BRCA1: variants seen among roughly 807,000 people sequenced by gnomAD.
BRCA1 encodes the protein breast cancer type 1 susceptibility protein.
In BRCA1, 140 loss-of-function variants were observed where a neutral mutation model predicts 173.7. That is an observed-to-expected ratio of 0.81 (90% CI 0.70 to 0.93). The LOEUF is 0.93. Among genes scored for constraint, BRCA1 ranks in the 40% least tolerant of loss-of-function variants. The pLI is 0.00. For missense variants in BRCA1, 1,983 were observed against 2,172.5 expected (o/e 0.91, Z 1.73); for synonymous variants, 662 against 756.0 (o/e 0.88, Z 2.04).
intron 1 of BRCA1, among the ~76,000 whole-genome samples, chr17:43,142,799 A>C (rs1434909251): frequency 6.6e-6 from 1 of 151,984 alleles, no homozygotes; most frequent in Non-Finnish European, 1.5e-5. Flanking sequence ...GCAGGAGTGC[A>C]ATGGCGTGAT....
At chr17:43,110,955 G>T (rs1190760267) in intron 3 of BRCA1, among the ~76,000 whole-genome samples, 1 of 151,950 alleles carries the variant, frequency 6.6e-6, no homozygotes, top group Non-Finnish European at 1.5e-5. Context: ...ACAAAAATTA[G>T]CCATGCATGG....
chr17:43,078,665 G>A (rs1284196682), intron 12 of BRCA1, among the ~76,000 whole-genome samples: 1 of 152,078 alleles, frequency 6.6e-6, no homozygotes, highest in Non-Finnish European at 1.5e-5. Flanking sequence ...GGGTAGCCTG[G>A]GGGGAAATAA....
Position 43,082,432 on chromosome 17 carries a change from T to C in BRCA1, c.4329A>G (p.Arg1443=), listed in dbSNP as rs2154146970. 6.2e-7 allele frequency: 1 copy of C among 1,614,172 alleles called. No individual in the cohort carries two copies. Among genetic ancestry groups the C allele is most frequent in the Non-Finnish European group, 8.5e-7 (1 of 1,180,024 alleles). ...ISDSSALEDL[R]NPEQSTSEKA... ...TTTCTGATGTGCTTTGTTCTGGATT[T>C]CGCAGGTCCTCAAGGGCAGAAGAGT... Residue 1443 remains arginine (R), a synonymous_variant, in exon 12 of 23, where the codon CGA becomes CGG. Transcript: ENST00000357654.
At position 43,106,865 on chromosome 17, in the gene BRCA1, G is replaced by A. The variant is rs186268206; in HGVS notation, c.135-332C>T. On this transcript the variant is annotated intron_variant, in intron 3 of 22. Coordinates refer to ENST00000357654, the MANE Select transcript of BRCA1 (RefSeq NM_007294.4). The stretch of plus-strand genomic sequence containing the variant: ...TCATGCTGCATAATCAAATATAAAC[G>A]GTAAGTAGTTCATGTAAGATGCTTA... 3.3e-4 allele frequency among the ~76,000 whole-genome samples: 50 copies of A among 152,036 alleles called. 1 individual carries two copies. Among genetic ancestry groups the A allele is most frequent in the Admixed American group, 2.8e-3 (42 of 15,246 alleles).
intron 12 of BRCA1, among the ~76,000 whole-genome samples, chr17:43,080,291 T>C (rs2052943896): frequency 6.6e-6 from 1 of 152,174 alleles, no homozygotes; most frequent in Non-Finnish European, 1.5e-5. Flanking sequence ...TATTAAGAAA[T>C]AATAAACTAG....
At chr17:43,100,686 T>TA (rs1567807839) in intron 6 of BRCA1, among the ~76,000 whole-genome samples, 13 of 17,426 alleles carry the variant, frequency 7.5e-4, no homozygotes, top group African/African-American at 1.3e-3. Flanking sequence ...ATAATATATA[T>TA]ATATATATAT....
rs80358090 is a variant in BRCA1, at chr17:43,057,153, C to G, written c.5194-18G>C. On this transcript the variant is annotated intron_variant, in intron 18 of 22. Coordinates refer to ENST00000357654, the MANE Select transcript of BRCA1 (RefSeq NM_007294.4). ...AAATCATGCTGAAAGAAACCAAACACAACCCATCAGGATAAGAGAAAGAGA... is the reference window on the plus strand; with the variant it reads ...AAATCATGCTGAAAGAAACCAAACAGAACCCATCAGGATAAGAGAAAGAGA... The G allele has an allele frequency of 6.2e-7, 1 of 1,610,960 alleles. No individual in the cohort carries two copies. The highest frequency in any genetic ancestry group is 8.5e-7 in the Non-Finnish European group (1 of 1,177,272).
At chr17:43,080,878 C>T (rs1007229417) in intron 12 of BRCA1, among the ~76,000 whole-genome samples, 6 of 151,534 alleles carry the variant, frequency 4.0e-5, no homozygotes, top group Non-Finnish European at 8.8e-5. Flanking sequence ...ACAGTGCGTC[C>T]CTGTCTCTAC....
At chr17:43,047,773 T>G in intron 21 of BRCA1, 70 bp from the exon 22 acceptor site, 1 of 1,563,712 alleles carries the variant, frequency 6.4e-7, no homozygotes, top group South Asian at 1.1e-5. Flanking sequence ...ACTTCATCAT[T>G]TTTTTTGTTT....
At chr17:43,100,574 C>CATATATATAACATATATATATTAT (rs1567807050) in intron 6 of BRCA1, among the ~76,000 whole-genome samples, 30 of 56,304 alleles carry the variant, frequency 5.3e-4, no homozygotes, top group African/African-American at 1.7e-3. Flanking sequence ...ATATATATAA[C>CATATATATAACATATATATATTAT]ATATATATAA....
In BRCA1 at chr17:43,048,092, T is replaced by C. The variant is rs4793190; in HGVS notation, c.5407-389A>G. Among the ~76,000 whole-genome samples the C allele has an allele frequency of 0.31, 47,169 of 151,948 alleles. 7,696 individuals carry two copies. Among genetic ancestry groups the C allele is most frequent in the South Asian group, 0.49 (2,377 of 4,816 alleles). On this transcript the variant is annotated intron_variant, in intron 21 of 22. Transcript: ENST00000357654. ...TAATTTTTTTGTAGACATGAGGTCC[T>C]ACTGTATTGCCCAGGCTGGTCTTCA... is the stretch of plus-strand genomic sequence containing the variant.
chr17:43,077,258 A>G (rs185261284), intron 12 of BRCA1, among the ~76,000 whole-genome samples: 141 of 152,300 alleles, frequency 9.3e-4, no homozygotes, highest in African/African-American at 3.3e-3. Context: ...TAAATAATAC[A>G]TGGAACTAAT....
At position 43,091,479 on chromosome 17, in the gene BRCA1, A is replaced by G. The variant is rs397509132; in HGVS notation, c.4052T>C (p.Leu1351Ser). Residue 1351 changes from leucine (L) to serine (S), a missense_variant, in exon 10 of 23, where the codon TTG becomes TCG. By Grantham distance (145) the Leu-to-Ser change is moderately radical. Coordinates refer to ENST00000357654, the MANE Select transcript of BRCA1 (RefSeq NM_007294.4). ...VSDDEERGTG[L>S]EENNQEEQSM... is the part of the protein sequence containing the mutation. ...TTGCTCTTCTTGATTATTTTCTTCC[A>G]AGCCCGTTCCTCTTTCTTCATCATC... is the stretch of plus-strand genomic sequence containing the variant. The G allele has an allele frequency of 6.2e-7, 1 of 1,613,518 alleles. No individual in the cohort carries two copies. Among genetic ancestry groups the G allele is most frequent in the South Asian group, 1.1e-5 (1 of 91,026 alleles).
Position 43,091,889 on chromosome 17 carries a change from C to A in BRCA1, c.3642G>T (p.Glu1214Asp), listed in dbSNP as rs398122675. The A allele has an allele frequency of 6.2e-7, 1 of 1,614,130 alleles. No individual in the cohort carries two copies. Among genetic ancestry groups the A allele is most frequent in the Admixed American group, 1.7e-5 (1 of 60,028 alleles). The change falls in exon 10 of 23, where the codon GAG (glutamate) becomes GAT (aspartate). Residue 1214 changes from glutamate (E) to aspartate (D), a missense_variant. Coordinates refer to ENST00000357654, the MANE Select transcript of BRCA1 (RefSeq NM_007294.4). ...RGAKKLESSE[E>D]NLSSEDEELP... is the part of the protein sequence containing the mutation. ...GCTCTTCATCCTCACTAGATAAGTT[C>A]TCTTCTGAGGACTCTAATTTCTTGG...
At chr17:43,054,487 TGGAGTG>T (rs2051377612) in intron 19 of BRCA1, among the ~76,000 whole-genome samples, 1 of 152,246 alleles carries the variant, frequency 6.6e-6, no homozygotes, top group African/African-American at 2.4e-5. Context: ...TTGGCCAGGC[TGGAGTG>T]CAGTAGCACC....
intron 1 of BRCA1, chr17:43,140,176 C>T: frequency 3.3e-6 from 1 of 304,876 alleles, no homozygotes; most frequent in Non-Finnish European, 6.5e-6. Flanking sequence ...ACATGGAGAG[C>T]TGCTGGGTTG....
At chr17:43,153,141 C>G (rs1203759750) in intron 1 of BRCA1, among the ~76,000 whole-genome samples, 1 of 152,212 alleles carries the variant, frequency 6.6e-6, no homozygotes. Flanking sequence ...GGACAGGTCA[C>G]TCGACCTGTA....
At chr17:43,135,292 G>A (rs768399573) in intron 1 of BRCA1, among the ~76,000 whole-genome samples, 1 of 136,328 alleles carries the variant, frequency 7.3e-6, no homozygotes, top group African/African-American at 2.5e-5. Flanking sequence ...GCCACAGAGC[G>A]CAGCGGCCGG....
At chr17:43,166,086 T>C (rs1287190468) in intron 1 of BRCA1, 1 of 151,868 alleles carries the variant, frequency 6.6e-6, no homozygotes, top group Non-Finnish European at 1.5e-5. Flanking sequence ...CTCTTTGACT[T>C]TGTCTCTCTC....
Sources: allele counts gnomAD v4.1 joint callset (sites outside exome capture counted in the v4.1 genomes callset), GRCh38; gene constraint gnomAD v4.1.1; transcripts MANE v1.5; gene names NCBI Gene and HGNC (gene_info 2026-07-23, HGNC 2026-07-21).